Variants in WNT3A observed in about 807,000 individuals in gnomAD.
The protein encoded by WNT3A is Wnt family member 3A.
In WNT3A, 17 loss-of-function variants were observed where a neutral mutation model predicts 37.0. The observed-to-expected ratio is 0.46, with a 90% CI of 0.31 to 0.69. WNT3A has a LOEUF of 0.69. Ranked by LOEUF, WNT3A falls within the 30% of genes least tolerant of loss-of-function variation. The pLI is 0.05. For synonymous variants in WNT3A, 187 were observed against 211.0 expected (o/e 0.89, Z 0.99); for missense variants, 411 against 510.2 (o/e 0.81, Z 1.87).
At position 228,038,940 on chromosome 1, in the gene WNT3A, G is replaced by A. The variant is rs1327085181; in HGVS notation, c.314-11716G>A. On this transcript the variant is annotated intron_variant, in intron 2 of 3. Transcript: ENST00000284523. The surrounding 1 kb of genome is among the most constrained non-coding windows in gnomAD (Gnocchi z 5.7). ...CTTGGGGGACAGAGGGCATTTTTTT[G>A]TCACAGTGGAGGTGAGAACTTCCCG... Among the ~76,000 whole-genome samples, 1 of 152,112 alleles carries A rather than the reference G, an allele frequency of 6.6e-6. No homozygotes were observed. Among genetic ancestry groups the A allele is most frequent in the Non-Finnish European group, 1.5e-5 (1 of 67,994 alleles).
chr1:228,043,736 AC>A (rs1431217877), intron 2 of WNT3A, among the ~76,000 whole-genome samples: 1 of 152,080 alleles, frequency 6.6e-6, no homozygotes. Context: ...TGCTTCAAAC[AC>A]CTGTGGAAAT....
intron 2 of WNT3A, among the ~76,000 whole-genome samples, chr1:228,040,218 C>A (rs146883938): frequency 2.3e-3 from 351 of 152,328 alleles, no homozygotes; most frequent in Non-Finnish European, 4.1e-3. Context: ...GGGCTCTGCA[C>A]TCACTGCTGT....
chr1:228,013,079 C>G (rs2030421469), intron 1 of WNT3A, among the ~76,000 whole-genome samples: 1 of 152,184 alleles, frequency 6.6e-6, no homozygotes, highest in Admixed American at 6.5e-5. Flanking sequence ...GTTTCTCTCT[C>G]TACAAGAAAC....
At chr1:228,028,206 A>G (rs2030900578) in intron 2 of WNT3A, among the ~76,000 whole-genome samples, 1 of 152,014 alleles carries the variant, frequency 6.6e-6, no homozygotes, top group African/African-American at 2.4e-5. Context: ...GTTTGCTTCA[A>G]ATTAGTATAG....
rs2031193795 is a variant in WNT3A, at chr1:228,038,409, G to A, written c.314-12247G>A. 6.6e-6 allele frequency among the ~76,000 whole-genome samples: 1 copy of A among 152,232 alleles called. No homozygotes were observed. The highest frequency in any genetic ancestry group is 2.1e-4 in the South Asian group (1 of 4,832). ...GGCCCACGCGTTGGCTGCTCTGGAA[G>A]CCTGTTGTGGCCTCCCGATGGGCAC... On this transcript the variant is annotated intron_variant, in intron 2 of 3. Transcript: ENST00000284523. The surrounding 1 kb of genome is among the most constrained non-coding windows in gnomAD (Gnocchi z 5.7).
Position 228,050,631 on chromosome 1 carries a change from C to T in WNT3A, c.314-25C>T, listed in dbSNP as rs762338100. 1.9e-6 allele frequency: 3 copies of T among 1,569,318 alleles called. No homozygotes were observed. Among genetic ancestry groups the T allele is most frequent in the East Asian group, 4.5e-5 (2 of 44,324 alleles). On this transcript the variant is annotated intron_variant, in intron 2 of 3. Transcript: ENST00000284523. The surrounding 1 kb of genome is among the most constrained non-coding windows in gnomAD (Gnocchi z 5.0). Reference sequence around the variant, plus strand: ...GGTCCTTTGAGCTGAGCCCTGTTAACCCTGCATCTCTCCTCTCTCTACAGC... The same window carrying T: ...GGTCCTTTGAGCTGAGCCCTGTTAATCCTGCATCTCTCCTCTCTCTACAGC...
chr1:228,036,637 G>C (rs959317015), intron 2 of WNT3A, among the ~76,000 whole-genome samples: 1 of 152,174 alleles, frequency 6.6e-6, no homozygotes, highest in Non-Finnish European at 1.5e-5. Flanking sequence ...GAAAGCATTT[G>C]AGGAATTTTA....
chr1:228,050,737 C>A lies in WNT3A; in HGVS notation c.395C>A (p.Thr132Lys), dbSNP rs776863772. The A allele has an allele frequency of 2.5e-6, 4 of 1,613,996 alleles. No individual in the cohort carries two copies. The South Asian group carries it at 4.4e-5, about 18-fold the overall frequency. The stretch of plus-strand genomic sequence containing the variant: ...GTGACACGCTCATGTGCAGAAGGCA[C>A]GGCCGCCATCTGTGGCTGCAGCAGC... Reference protein sequence around the residue: ...FAVTRSCAEGTAAICGCSSRH... With the variant: ...FAVTRSCAEGKAAICGCSSRH... The change falls in exon 3 of 4, where the codon ACG (threonine) becomes AAG (lysine). Residue 132 changes from threonine (T) to lysine (K), a missense_variant. Transcript: ENST00000284523. The surrounding 1 kb of genome is among the most constrained non-coding windows in gnomAD (Gnocchi z 5.0).
rs1447788090 is a variant in WNT3A at position 228,007,943 on chromosome 1, C to T, written c.71+744C>T. 6.6e-6 allele frequency among the ~76,000 whole-genome samples: 1 copy of T among 152,194 alleles called. No individual in the cohort carries two copies. Among genetic ancestry groups the T allele is most frequent in the African/African-American group, 2.4e-5 (1 of 41,464 alleles). On this transcript the variant is annotated intron_variant, in intron 1 of 3. Coordinates refer to ENST00000284523, the MANE Select transcript of WNT3A (RefSeq NM_033131.4). The surrounding 1 kb of genome is among the most constrained non-coding windows in gnomAD (Gnocchi z 6.0). Reference sequence around the variant, plus strand: ...ATCAGAAAGCGCTGTGCTGCGCCCTCCACACCAGAAAAGGCGCGTTCCGTG... The same window carrying T: ...ATCAGAAAGCGCTGTGCTGCGCCCTTCACACCAGAAAAGGCGCGTTCCGTG...
chr1:228,060,459 G>C lies in WNT3A; in HGVS notation c.*994G>C, dbSNP rs1213511798. ...TGACCAGGGGCCCTACCTGGGGAAA[G>C]CCTGAAGGGCCTCCCAGCCCCCAAC... On this transcript the variant is annotated 3_prime_UTR_variant, in exon 4 of 4. Transcript: ENST00000284523. 2.3e-6 allele frequency: 1 copy of C among 438,532 alleles called. No homozygotes were observed. Among genetic ancestry groups the C allele is most frequent in the Admixed American group, 3.7e-5 (1 of 26,796 alleles). 27.2% of individuals were successfully genotyped at this position (438,532 alleles called of 1,614,324 possible).
At chr1:228,053,415 G>A (rs1484340101) in intron 3 of WNT3A, among the ~76,000 whole-genome samples, 1 of 152,148 alleles carries the variant, frequency 6.6e-6, no homozygotes, top group Non-Finnish European at 1.5e-5. Flanking sequence ...CTTAGAGTAG[G>A]CAAAGGTGTC....
chr1:228,018,431 C>G (rs920543447), intron 1 of WNT3A, among the ~76,000 whole-genome samples: 57 of 149,440 alleles, frequency 3.8e-4, no homozygotes, highest in African/African-American at 1.3e-3. Context: ...GAGACAGGGT[C>G]TCACTCTGTC....
chr1:228,044,682 G>A (rs2031360958), intron 2 of WNT3A, among the ~76,000 whole-genome samples: 1 of 152,210 alleles, frequency 6.6e-6, no homozygotes, highest in Non-Finnish European at 1.5e-5. Flanking sequence ...CCAGAATAAG[G>A]TGGTGTCTGC....
At position 228,008,441 on chromosome 1, in the gene WNT3A, G is replaced by C. The variant is rs749022356; in HGVS notation, c.71+1242G>C. Among the ~76,000 whole-genome samples the C allele has an allele frequency of 5.9e-5, 9 of 152,216 alleles. No individual in the cohort carries two copies. Among genetic ancestry groups the C allele is most frequent in the Middle Eastern group, 3.2e-3 (1 of 316 alleles). ...GTAGGGGCGCCGGGCCAGGAGCAGC[G>C]GGGAGGGGAAGGGGCAGCCCTAGGC... On this transcript the variant is annotated intron_variant, in intron 1 of 3. Coordinates refer to ENST00000284523, the MANE Select transcript of WNT3A (RefSeq NM_033131.4). The surrounding 1 kb of genome is among the most constrained non-coding windows in gnomAD (Gnocchi z 4.9).
intron 1 of WNT3A, among the ~76,000 whole-genome samples, chr1:228,011,270 G>A (rs1571790282): frequency 6.6e-6 from 1 of 152,148 alleles, no homozygotes; most frequent in Non-Finnish European, 1.5e-5. Flanking sequence ...AGCAGGGCAG[G>A]GACATGGCCC....
intron 2 of WNT3A, among the ~76,000 whole-genome samples, chr1:228,024,195 G>A (rs781477879): frequency 1.1e-3 from 167 of 152,280 alleles, no homozygotes; most frequent in Non-Finnish European, 1.5e-3. Flanking sequence ...ATTCTGTTTC[G>A]CTTTGCTTGA....
intron 2 of WNT3A, among the ~76,000 whole-genome samples, chr1:228,047,391 T>C (rs1181672771): frequency 6.6e-6 from 1 of 152,162 alleles, no homozygotes; most frequent in Non-Finnish European, 1.5e-5. Context: ...CCACTTTGTA[T>C]GTTCTTGTTA....
rs555666721 is a variant in WNT3A at position 228,014,717 on chromosome 1, G to A, written c.71+7518G>A. Among the ~76,000 whole-genome samples the A allele has an allele frequency of 7.2e-5, 11 of 152,382 alleles. No homozygotes were observed. The Middle Eastern group carries it at 0.01, about 141-fold the overall frequency. On this transcript the variant is annotated intron_variant, in intron 1 of 3. Transcript: ENST00000284523. The stretch of plus-strand genomic sequence containing the variant: ...CAAGCCGGGGAGGCCAGCGTGGCCC[G>A]GACTGGGCTGGCCTACCGCCCGCCT...
chr1:228,010,191 C>A (rs980366963), intron 1 of WNT3A, among the ~76,000 whole-genome samples: 10 of 152,234 alleles, frequency 6.6e-5, no homozygotes, highest in African/African-American at 2.4e-4. Flanking sequence ...GAGACCATGG[C>A]TCCATCTGAG....
Sources: gnomAD v4.1 joint callset for allele counts (sites outside exome capture counted in the v4.1 genomes callset) on GRCh38, gnomAD v4.1.1 for gene constraint, Gnocchi (gnomAD v3.1) non-coding constraint, MANE v1.5 for transcripts, NCBI Gene and HGNC (gene_info 2026-07-23, HGNC 2026-07-21) for gene names.